CDH4: variants seen among roughly 807,000 people sequenced by gnomAD.
The protein encoded by CDH4 is cadherin-4.
In CDH4, 33 loss-of-function variants were observed where a neutral mutation model predicts 86.0. The observed-to-expected ratio is 0.38, with a 90% CI of 0.29 to 0.51. The LOEUF (loss-of-function observed/expected upper bound fraction) is 0.51, where lower values mean the gene tolerates loss of function less well. Ranked by LOEUF, CDH4 falls within the 20% of genes least tolerant of loss-of-function variation. The probability of loss-of-function intolerance (pLI) is 0.86; values close to 1 mark genes in which losing one functional copy is unlikely to be tolerated. For missense variants in CDH4, 1,114 were observed against 1,307.4 expected (o/e 0.85, Z 2.28); for synonymous variants, 555 against 549.4 (o/e 1.01, Z -0.14).
Position 61,873,990 on chromosome 20 carries a change from G to A in CDH4, c.1050+90G>A, listed in dbSNP as rs906476078. The A allele has an allele frequency of 3.4e-5, 48 of 1,400,518 alleles. 1 individual carries two copies. The highest frequency in any genetic ancestry group is 5.4e-5 in the Admixed American group (3 of 55,454). The allele number at this position is 1,400,518 out of a possible 1,614,324, so 86.8% of individuals were successfully genotyped here. On this transcript the variant is annotated intron_variant, in intron 7 of 15. Transcript: ENST00000614565. The stretch of plus-strand genomic sequence containing the variant: ...ACCCTCGGGGAGCCTCTCCAGTGGC[G>A]CCGTCGGGGAGTGATCGACAGTCTC...
At chr20:61,551,495 CCTCTTCCCATCCCAGGGGCAGCCA>C (rs1432180024) in intron 2 of CDH4, among the ~76,000 whole-genome samples, 1 of 152,190 alleles carries the variant, frequency 6.6e-6, no homozygotes, top group Non-Finnish European at 1.5e-5. Context: ...ATTCAATTGC[CCTCTTCCCATCCCAGGGGCAGCCA>C]CTCTCCTGGC....
chr20:61,889,755 T>C (rs1391206288), intron 7 of CDH4, among the ~76,000 whole-genome samples: 2 of 148,594 alleles, frequency 1.3e-5, no homozygotes, highest in Non-Finnish European at 3.0e-5. Flanking sequence ...GATGGATGGA[T>C]GCATGGATGG....
At chr20:61,817,430 C>A (rs539604283) in intron 4 of CDH4, among the ~76,000 whole-genome samples, 7 of 152,230 alleles carry the variant, frequency 4.6e-5, no homozygotes, top group East Asian at 1.9e-4. Flanking sequence ...TCCCCACCCC[C>A]CAAATGGATC....
chr20:61,495,289 G>A (rs892544302), intron 2 of CDH4, among the ~76,000 whole-genome samples: 1 of 152,194 alleles, frequency 6.6e-6, no homozygotes, highest in African/African-American at 2.4e-5. Flanking sequence ...AGGCACCTGA[G>A]GGGGAGCCGA....
chr20:61,774,311 C>T (rs1259897405), intron 4 of CDH4, among the ~76,000 whole-genome samples: 1 of 152,206 alleles, frequency 6.6e-6, no homozygotes, highest in Non-Finnish European at 1.5e-5. Flanking sequence ...GGGTTGGAAC[C>T]CCATCCTGGG....
chr20:61,788,796 C>G lies in CDH4; in HGVS notation c.576+15614C>G, dbSNP rs1267170677. On this transcript the variant is annotated intron_variant, in intron 4 of 15. Coordinates refer to ENST00000614565, the MANE Select transcript of CDH4 (RefSeq NM_001794.5). ...AAGACCTGACTTCAGCTCAGAGAAA[C>G]AAGGGCATGGGAGACGAGGCCCAAA... Among the ~76,000 whole-genome samples, 3 of 152,224 alleles carry G rather than the reference C, an allele frequency of 2.0e-5. No homozygotes were observed. In the East Asian group the frequency reaches 5.8e-4, roughly 29 times the overall value.
chr20:61,291,691 C>CTGCTCTG (rs11281829), intron 2 of CDH4, among the ~76,000 whole-genome samples: 1 of 152,040 alleles, frequency 6.6e-6, no homozygotes, highest in East Asian at 1.9e-4. Context: ...GGTTTCCAGT[C>CTGCTCTG]TGACCCTATC....
chr20:61,809,285 G>A (rs1050359124), intron 4 of CDH4, among the ~76,000 whole-genome samples: 5 of 152,184 alleles, frequency 3.3e-5, no homozygotes, highest in Non-Finnish European at 4.4e-5. Context: ...ATGTGGTCCC[G>A]GGGATGGTCA....
chr20:61,588,985 C>T lies in CDH4; in HGVS notation c.170-154578C>T, dbSNP rs577311088. Among the ~76,000 whole-genome samples the T allele has an allele frequency of 2.6e-5, 4 of 152,314 alleles. No individual in the cohort carries two copies. The South Asian group carries it at 8.3e-4, about 32-fold the overall frequency. On this transcript the variant is annotated intron_variant, in intron 2 of 15. Coordinates refer to ENST00000614565, the MANE Select transcript of CDH4 (RefSeq NM_001794.5). ...CGCGGAGATAAATATATGCAAACAT[C>T]GATAATTGTTTTAGTTGGAGCCGTT...
At chr20:61,661,091 G>GGGA (rs1555821304) in intron 2 of CDH4, among the ~76,000 whole-genome samples, 1 of 144,054 alleles carries the variant, frequency 6.9e-6, no homozygotes, top group Admixed American at 6.8e-5. Flanking sequence ...TGGCGGGGGG[G>GGGA]GGGGAGACAC....
rs73914827 is a variant in CDH4 at position 61,544,138 on chromosome 20, G to A, written c.170-199425G>A. Among the ~76,000 whole-genome samples, 232 of 152,260 alleles carry A rather than the reference G, an allele frequency of 1.5e-3. 1 individual carries two copies. Among genetic ancestry groups the A allele is most frequent in the African/African-American group, 5.2e-3 (218 of 41,564 alleles). On this transcript the variant is annotated intron_variant, in intron 2 of 15. Transcript: ENST00000614565. This position sits in a 1 kb window ranked among gnomAD's most constrained non-coding sequence, Gnocchi z 6.5. ...CTCTTGGCACTACACTGTGTGGTCC[G>A]GTCCCACGGCCATGTGGTCTCTTTA...
chr20:61,435,549 G>A (rs967518844), intron 2 of CDH4: 2 of 152,560 alleles, frequency 1.3e-5, no homozygotes, highest in Non-Finnish European at 2.9e-5. Flanking sequence ...GGGAGTGCAA[G>A]GGGACAGTGA....
At chr20:61,364,020 T>C (rs937769500) in intron 2 of CDH4, among the ~76,000 whole-genome samples, 1 of 152,224 alleles carries the variant, frequency 6.6e-6, no homozygotes, top group Non-Finnish European at 1.5e-5. Context: ...TCTGAACTTC[T>C]AAATTGCTTG....
chr20:61,511,336 C>T (rs1414885429), intron 2 of CDH4, among the ~76,000 whole-genome samples: 4 of 152,254 alleles, frequency 2.6e-5, no homozygotes, highest in Non-Finnish European at 5.9e-5. Flanking sequence ...TCTGCATCCC[C>T]TCCTGCCCCT....
intron 11 of CDH4, among the ~76,000 whole-genome samples, chr20:61,927,712 C>T (rs34847279): frequency 0.057 from 8,636 of 152,312 alleles, 285 homozygotes; most frequent in Middle Eastern, 0.14. Context: ...GCCCAGCACC[C>T]GCAGAACCCC....
At chr20:61,667,471 G>A (rs542832554) in intron 2 of CDH4, among the ~76,000 whole-genome samples, 9 of 152,360 alleles carry the variant, frequency 5.9e-5, no homozygotes, top group South Asian at 4.1e-4. Flanking sequence ...ACTCAAAGGC[G>A]GATCTTTCCG....
chr20:61,573,137 A>ACC (rs983629749), intron 2 of CDH4, among the ~76,000 whole-genome samples: 1 of 152,046 alleles, frequency 6.6e-6, no homozygotes, highest in Non-Finnish European at 1.5e-5. Flanking sequence ...TGCAGGTCCT[A>ACC]CCCCTGCACA....
chr20:61,448,222 T>G (rs1461058187), intron 2 of CDH4, among the ~76,000 whole-genome samples: 4 of 152,378 alleles, frequency 2.6e-5, no homozygotes, highest in African/African-American at 9.6e-5. Flanking sequence ...ATCCCAGGAA[T>G]CACGGACAGC....
At chr20:61,488,756 G>A (rs138392847) in intron 2 of CDH4, among the ~76,000 whole-genome samples, 123 of 152,206 alleles carry the variant, frequency 8.1e-4, no homozygotes, top group African/African-American at 2.7e-3. Flanking sequence ...TGCTCCTGTC[G>A]GCTGTTCTCT....
Sources: allele counts gnomAD v4.1 joint callset (sites outside exome capture counted in the v4.1 genomes callset), GRCh38; gene constraint gnomAD v4.1.1; non-coding constraint Gnocchi (gnomAD v3.1); transcripts MANE v1.5; gene names NCBI Gene and HGNC (gene_info 2026-07-23, HGNC 2026-07-21).